ANKLE2: variants seen among roughly 807,000 people sequenced by gnomAD.
ANKLE2 encodes ankyrin repeat and LEM domain containing 2.
Under a neutral mutation model 84.2 loss-of-function variants are expected in ANKLE2, and 55 were observed. The observed-to-expected ratio is 0.65, with a 90% CI of 0.53 to 0.82. ANKLE2 has a LOEUF of 0.82. ANKLE2 is among the 40% of genes least tolerant of loss of function. The probability of loss-of-function intolerance (pLI) is 0.00; values close to 1 mark genes in which losing one functional copy is unlikely to be tolerated. For synonymous variants in ANKLE2, 551 were observed against 486.1 expected (o/e 1.13, Z -1.76); for missense variants, 1,238 against 1,201.9 (o/e 1.03, Z -0.44).
Position 132,730,307 on chromosome 12 carries a change from C to G in ANKLE2, c.1892-37G>C, listed in dbSNP as rs143540124. 2.7e-6 allele frequency: 4 copies of G among 1,508,186 alleles called. No homozygotes were observed. In the South Asian group the frequency reaches 5.1e-5, roughly 19 times the overall value. 93.4% of individuals were successfully genotyped at this position (1,508,186 alleles called of 1,614,324 possible). On this transcript the variant is annotated intron_variant, in intron 10 of 12. Transcript: ENST00000357997. Reference sequence around the variant, plus strand: ...ACAAGGAGCACTTCAGTGATGGGAACGACAGGAAGCCACGGAGCTGCTCCG... The same window carrying G: ...ACAAGGAGCACTTCAGTGATGGGAAGGACAGGAAGCCACGGAGCTGCTCCG...
chr12:132,727,277 T>C lies in ANKLE2; in HGVS notation c.2782A>G (p.Arg928Gly). 6.4e-7 allele frequency: 1 copy of C among 1,566,520 alleles called. No homozygotes were observed. Among genetic ancestry groups the C allele is most frequent in the Non-Finnish European group, 8.6e-7 (1 of 1,156,136 alleles). ...YSPVHGSQLR[R>G]MARLAELAAL ...GCAAGCTCAGCCAGGCGCGCCATCC[T>C]GCGGAGCTGGCTCCCGTGCACGGGG... Residue 928 changes from arginine to glycine, a missense_variant, in exon 13 of 13, where the codon AGG becomes GGG. By Grantham distance (125) the Arg-to-Gly change is moderately radical (BLOSUM62 -2). This residue lies in a region of ANKLE2 where 802 missense variants were observed against 774.5 expected (regional missense o/e 1.04). Coordinates refer to ENST00000357997, the MANE Select transcript of ANKLE2 (RefSeq NM_015114.3).
Position 132,761,709 on chromosome 12 carries a change from C to A in ANKLE2, c.90G>T (p.Trp30Cys). The A allele has an allele frequency of 7.4e-7, 1 of 1,349,678 alleles. No homozygotes were observed. The highest frequency in any genetic ancestry group is 9.6e-7 in the Non-Finnish European group (1 of 1,042,776). 83.6% of individuals were successfully genotyped at this position (1,349,678 alleles called of 1,614,324 possible). ...GASVLLIAVRWLVRRLGPRPG... is the reference protein window; with the variant it reads ...GASVLLIAVRCLVRRLGPRPG... ...GCCGCGGGCCCAGCCGCCGCACCAG[C>A]CACCGCACAGCGATCAGCAGCACCG... The change falls in exon 1 of 13, where the codon TGG becomes TGT. Residue 30 changes from tryptophan (W) to cysteine (C), a missense_variant. Trp to Cys is a radical substitution (Grantham distance 215, BLOSUM62 -2). Around this residue, in one of 3 missense-constraint regions of ANKLE2, gnomAD observed 422 missense variants for 394.5 expected, o/e 1.07. Transcript: ENST00000357997.
At chr12:132,742,504 T>A (rs1000208821) in intron 6 of ANKLE2, 1 of 152,582 alleles carries the variant, frequency 6.6e-6, no homozygotes, top group Non-Finnish European at 1.5e-5. Flanking sequence ...TCCAGATACT[T>A]CTTGCACTTT....
chr12:132,741,509 A>C (rs2044122783), intron 6 of ANKLE2, 24 bp from the exon 7 acceptor site: 1 of 1,607,254 alleles, frequency 6.2e-7, no homozygotes, highest in African/African-American at 1.3e-5. Context: ...AAGTGTGTCT[A>C]AATCTTATTT....
At chr12:132,742,640 A>T (rs1292942276) in intron 6 of ANKLE2, 1 of 149,192 alleles carries the variant, frequency 6.7e-6, no homozygotes, top group Non-Finnish European at 1.5e-5. Context: ...AGCTTAGCAC[A>T]GCACCTGGTG....
Position 132,729,905 on chromosome 12 carries a change from C to G in ANKLE2, c.2257G>C (p.Asp753His), listed in dbSNP as rs376936921. ...NIGRSVSKTP[D>H]ESTKTKDQIL... ...TGATCTTTAGTTTTTGTACTTTCATCTGGTGTCTTGGAAACGCTACGTCCT... is the reference window on the plus strand; with the variant it reads ...TGATCTTTAGTTTTTGTACTTTCATGTGGTGTCTTGGAAACGCTACGTCCT... Residue 753 changes from aspartate (D) to histidine (H), a missense_variant, in exon 11 of 13, where the codon GAT becomes CAT. Transcript: ENST00000357997. The G allele has an allele frequency of 1.9e-6, 3 of 1,613,562 alleles. No individual in the cohort carries two copies. The highest frequency in any genetic ancestry group is 2.5e-6 in the Non-Finnish European group (3 of 1,179,896).
In ANKLE2 at chr12:132,761,693, C is replaced by T; in HGVS notation, c.106G>A (p.Gly36Ser). The change falls in exon 1 of 13, where the codon GGC (glycine) becomes AGC (serine). Residue 36 changes from glycine (G) to serine (S), a missense_variant. This residue lies in a region of ANKLE2 where 422 missense variants were observed against 394.5 expected (regional missense o/e 1.07). Coordinates refer to ENST00000357997, the MANE Select transcript of ANKLE2 (RefSeq NM_015114.3). Reference protein sequence around the residue: ...IAVRWLVRRLGPRPGGLGRSG... With the variant: ...IAVRWLVRRLSPRPGGLGRSG... ...CGGCCCAGACCTCCCGGCCGCGGGCCCAGCCGCCGCACCAGCCACCGCACA... is the reference window on the plus strand; with the variant it reads ...CGGCCCAGACCTCCCGGCCGCGGGCTCAGCCGCCGCACCAGCCACCGCACA... 1 of 1,347,990 alleles carries T rather than the reference C, an allele frequency of 7.4e-7. No homozygotes were observed. The highest frequency in any genetic ancestry group is 9.6e-7 in the Non-Finnish European group (1 of 1,042,244). 83.5% of individuals were successfully genotyped at this position (1,347,990 alleles called of 1,614,324 possible).
rs1374533216 is a variant in ANKLE2, at chr12:132,748,018, T to C, written c.1044A>G (p.Glu348=). ...CATGCATCACGTTGTACCTGCACCC[T>C]TCCTGAAAGAGAACCGCATGCTCTG... The part of the protein sequence containing the change: ...GSGDNPTIVQ[E]GCRYNVMHVA... The change falls in exon 5 of 13, where the codon GAA becomes GAG. Residue 348 remains glutamate (E), a splice_region_variant and synonymous_variant. Transcript: ENST00000357997. The C allele has an allele frequency of 6.3e-7, 1 of 1,597,098 alleles. No homozygotes were observed. The highest frequency in any genetic ancestry group is 2.2e-5 in the East Asian group (1 of 44,684).
In ANKLE2 at chr12:132,750,827, A is replaced by G; in HGVS notation, c.663T>C (p.Asn221=). The G allele has an allele frequency of 1.2e-6, 2 of 1,614,036 alleles. No homozygotes were observed. The highest frequency in any genetic ancestry group is 2.2e-5 in the South Asian group (2 of 91,070). Residue 221 remains asparagine (N), a synonymous_variant, in exon 3 of 13, where the codon AAT becomes AAC. Coordinates refer to ENST00000357997, the MANE Select transcript of ANKLE2 (RefSeq NM_015114.3). ...ARNERIYVYE[N]KKEALQAVKM... ...TGACAGCTTGCAATGCTTCCTTTTT[A>G]TTTTCATAAACATAGATCCTTTCTG...
intron 1 of ANKLE2, chr12:132,759,596 CA>C (rs1320818014): frequency 6.9e-6 from 1 of 144,968 alleles, no homozygotes; most frequent in African/African-American, 2.9e-5. Context: ...TATATAAAAA[CA>C]TATTTTTATA....
chr12:132,748,882 T>TATATATATATATATATAC lies in ANKLE2; in HGVS notation c.848-552_848-551insGTATATATATATATATAT, dbSNP rs1380526374. 464 of 148,458 alleles carry TATATATATATATATATAC rather than the reference T, an allele frequency of 3.1e-3. 1 individual carries two copies. Among genetic ancestry groups the TATATATATATATATATAC allele is most frequent in the East Asian group, 0.011 (56 of 5,008 alleles). The allele number at this position is 148,458 out of a possible 1,614,324, so 9.2% of individuals were successfully genotyped here. A position where few individuals can be genotyped will look rare whatever the true frequency, so the allele number is the denominator to read the frequency against. On this transcript the variant is annotated intron_variant, in intron 3 of 12. Transcript: ENST00000357997. ...ATACATATATATATATATATATATA[T>TATATATATATATATATAC]ACACACGTATTTTTAGAGATGAGGT... is the stretch of plus-strand genomic sequence containing the variant.
At position 132,743,105 on chromosome 12, in the gene ANKLE2, A is replaced by C. The variant is rs80094802; in HGVS notation, c.1353+49T>G. The C allele has an allele frequency of 0.068, 103,763 of 1,516,282 alleles. 3,897 individuals carry two copies. The highest frequency in any genetic ancestry group is 0.11 in the East Asian group (4,682 of 41,604). The allele number at this position is 1,516,282 out of a possible 1,614,324, so 93.9% of individuals were successfully genotyped here. A position where few individuals can be genotyped will look rare whatever the true frequency, so the allele number is the denominator to read the frequency against. On this transcript the variant is annotated intron_variant, in intron 6 of 12. Transcript: ENST00000357997. The surrounding 1 kb of genome is among the most constrained non-coding windows in gnomAD (Gnocchi z 4.1). ...GTGATCACAGACTGTAAATTTATAT[A>C]TTTCCATTTCTAACTCTAGATAGCA...
chr12:132,736,014 C>CGT (rs2044001752), intron 8 of ANKLE2, among the ~76,000 whole-genome samples: 3 of 152,114 alleles, frequency 2.0e-5, no homozygotes, highest in Non-Finnish European at 4.4e-5. Context: ...TGCAGTGGTA[C>CGT]GATCTCGGCT....
rs12316370 is a variant in ANKLE2, at chr12:132,729,651, G to C, written c.2483+28C>G. 5.2e-3 allele frequency: 7,362 copies of C among 1,411,300 alleles called. 425 individuals carry two copies. The African/African-American group carries it at 0.092, about 18-fold the overall frequency. The allele number at this position is 1,411,300 out of a possible 1,614,324, so 87.4% of individuals were successfully genotyped here. A position where few individuals can be genotyped will look rare whatever the true frequency, so the allele number is the denominator to read the frequency against. On this transcript the variant is annotated intron_variant, in intron 11 of 12. Transcript: ENST00000357997. The stretch of plus-strand genomic sequence containing the variant: ...GGGGGAGGGAAGGTGGGGAAGGAAA[G>C]TGAGTGCAGAGGGCAACACACTCCT...
intron 3 of ANKLE2, among the ~76,000 whole-genome samples, chr12:132,750,082 G>A (rs1289201845): frequency 2.6e-5 from 4 of 151,714 alleles, no homozygotes; most frequent in Non-Finnish European, 5.9e-5. Context: ...GTGTGCACCT[G>A]TAATCCCAGC....
chr12:132,736,425 T>C (rs1031742290), intron 8 of ANKLE2, among the ~76,000 whole-genome samples: 1 of 151,940 alleles, frequency 6.6e-6, no homozygotes, highest in Non-Finnish European at 1.5e-5. Flanking sequence ...TGGGGATGAG[T>C]AGAACCTGGG....
At chr12:132,729,037 G>A (rs554303677) in intron 11 of ANKLE2, among the ~76,000 whole-genome samples, 2 of 151,976 alleles carry the variant, frequency 1.3e-5, no homozygotes, top group African/African-American at 2.4e-5. Flanking sequence ...GGAACTGAAC[G>A]CACACGGCAA....
chr12:132,733,771 C>T (rs902334064), intron 10 of ANKLE2, among the ~76,000 whole-genome samples: 2 of 152,162 alleles, frequency 1.3e-5, no homozygotes, highest in Non-Finnish European at 2.9e-5. Flanking sequence ...TGATATACAC[C>T]AGTATTCTGA....
chr12:132,730,149 A>G lies in ANKLE2; in HGVS notation c.2013T>C (p.His671=), dbSNP rs758455152. ...NSPPTVGAFG[H]TRCSAFPLEQ... is the part of the protein sequence containing the mutation. ...CCAAGGGGAAGGCGCTGCACCTCGT[A>G]TGTCCAAAAGCACCGACTGTGGGCG... The change falls in exon 11 of 13, where the codon CAT becomes CAC. Residue 671 remains histidine (H), a synonymous_variant. Transcript: ENST00000357997. 3 of 1,612,214 alleles carry G rather than the reference A, an allele frequency of 1.9e-6. No homozygotes were observed. Among genetic ancestry groups the G allele is most frequent in the South Asian group, 2.2e-5 (2 of 91,080 alleles).
Sources: gnomAD v4.1 joint callset for allele counts (sites outside exome capture counted in the v4.1 genomes callset) on GRCh38, gnomAD v4.1.1 for gene constraint, gnomAD v4.1.1 regional missense constraint, Gnocchi (gnomAD v3.1) non-coding constraint, MANE v1.5 for transcripts, NCBI Gene and HGNC (gene_info 2026-07-23, HGNC 2026-07-21) for gene names.